The following PCDH11X variants were observed in gnomAD, a reference collection of about 807,000 sequenced individuals.
PCDH11X encodes protocadherin-11 X-linked.
In PCDH11X, 18 loss-of-function variants were observed where a neutral mutation model predicts 53.3. The observed-to-expected ratio is 0.34, with a 90% CI of 0.23 to 0.50. The LOEUF is 0.50. Among genes scored for constraint, PCDH11X ranks in the 20% least tolerant of loss-of-function variants. PCDH11X has a pLI of 0.98. For synonymous variants in PCDH11X, 279 were observed against 393.3 expected, an observed-to-expected ratio of 0.71 and a Z score of 3.44; for missense variants, 570 against 1,032.4, an observed-to-expected ratio of 0.55 and a Z score of 6.14.
intron 8 of PCDH11X, among the ~76,000 whole-genome samples, chrX:92,267,454 G>C (rs2067858223): frequency 8.9e-6 from 1 of 112,380 alleles, no homozygotes; most frequent in African/African-American, 3.2e-5. Context: ...GCAAGTAAAA[G>C]CCATTCTCTG....
intron 9 of PCDH11X, among the ~76,000 whole-genome samples, chrX:92,414,146 A>T (rs1045536681): frequency 9.6e-6 from 1 of 104,314 alleles, no homozygotes; most frequent in Admixed American, 1.1e-4. Context: ...TTAGAGAAGA[A>T]AGCCTATTGG....
At chrX:92,280,009 G>A (rs189711874) in intron 8 of PCDH11X, among the ~76,000 whole-genome samples, 19 of 111,481 alleles carry the variant, frequency 1.7e-4, no homozygotes, top group Middle Eastern at 4.3e-3. Flanking sequence ...ATTTACATAC[G>A]CAAATAGCTA....
At chrX:92,596,991 C>G (rs1323169943) in intron 10 of PCDH11X, among the ~76,000 whole-genome samples, 1 of 110,998 alleles carries the variant, frequency 9.0e-6, no homozygotes, top group Non-Finnish European at 1.9e-5. Flanking sequence ...ATTCAATACC[C>G]CTTAATGAGA....
intron 8 of PCDH11X, among the ~76,000 whole-genome samples, chrX:92,301,574 C>T (rs1029482834): frequency 1.3e-4 from 14 of 110,826 alleles, no homozygotes; most frequent in African/African-American, 3.3e-4. Flanking sequence ...TCCAGATGTC[C>T]GTGGCGAAAG....
intron 6 of PCDH11X, among the ~76,000 whole-genome samples, chrX:91,953,510 T>C (rs2061669314): frequency 9.1e-6 from 1 of 110,206 alleles, no homozygotes; most frequent in Non-Finnish European, 1.9e-5. Flanking sequence ...AGAAGCAAGT[T>C]GGCACAGGGC....
At chrX:92,087,534 G>A (rs187620545) in intron 6 of PCDH11X, among the ~76,000 whole-genome samples, 2 of 111,706 alleles carry the variant, frequency 1.8e-5, no homozygotes, top group East Asian at 5.6e-4. Flanking sequence ...AACAGATTGA[G>A]ATAGAGATTT....
chrX:92,603,801 T>C (rs933695902), intron 10 of PCDH11X, among the ~76,000 whole-genome samples: 13 of 99,116 alleles, frequency 1.3e-4, no homozygotes, highest in South Asian at 4.2e-4. Flanking sequence ...AGAGTCAAGA[T>C]AGTAATTTGA....
rs898891362 is a variant in PCDH11X at position 92,311,307 on chromosome X, C to A, written c.3144+48164C>A. 1.4e-3 allele frequency among the ~76,000 whole-genome samples: 157 copies of A among 109,637 alleles called. 1 individual carries two copies. Among genetic ancestry groups the A allele is most frequent in the South Asian group, 3.6e-3 (9 of 2,492 alleles). On this transcript the variant is annotated intron_variant, in intron 8 of 10. Transcript: ENST00000682573. ...TCAGCCTTATAAAACTGGAAGTGTT[C>A]TGCACTAGTTAATTGTCAGTGTTAG...
At chrX:92,424,908 C>T (rs1402271300) in intron 9 of PCDH11X, among the ~76,000 whole-genome samples, 2 of 97,739 alleles carry the variant, frequency 2.0e-5, no homozygotes, top group African/African-American at 3.3e-5. Flanking sequence ...ACCCTCCAAA[C>T]ATGAGGGGCA....
chrX:92,006,659 G>T (rs928601457), intron 6 of PCDH11X, among the ~76,000 whole-genome samples: 9 of 110,189 alleles, frequency 8.2e-5, no homozygotes, highest in African/African-American at 3.0e-4. Context: ...CTGGATGGTG[G>T]TGATGCTAGT....
At chrX:92,419,995 T>G (rs1050666042) in intron 9 of PCDH11X, among the ~76,000 whole-genome samples, 5 of 111,147 alleles carry the variant, frequency 4.5e-5, no homozygotes, top group Non-Finnish European at 9.4e-5. Flanking sequence ...CTCCCCCTTT[T>G]CTTTTGAATT....
At chrX:92,323,081 A>G (rs1375134205) in intron 8 of PCDH11X, among the ~76,000 whole-genome samples, 1 of 110,458 alleles carries the variant, frequency 9.1e-6, no homozygotes, top group Admixed American at 9.7e-5. Flanking sequence ...TAACCAATTA[A>G]CAAGCAAGTG....
chrX:91,852,598 C>T (rs1295960266), intron 5 of PCDH11X, among the ~76,000 whole-genome samples: 1 of 111,342 alleles, frequency 9.0e-6, no homozygotes, highest in East Asian at 2.8e-4. Flanking sequence ...TCTAGGATTG[C>T]AATTTTCATT....
rs768418470 is a variant in PCDH11X at position 91,906,417 on chromosome X, A to G, written c.3033+27144A>G. 7.0e-3 allele frequency among the ~76,000 whole-genome samples: 760 copies of G among 108,961 alleles called. 6 individuals are homozygous for G. Among genetic ancestry groups the G allele is most frequent in the African/African-American group, 0.024 (704 of 29,929 alleles). 94.6% of individuals were successfully genotyped at this position (108,961 alleles called of 115,157 possible). A position where few individuals can be genotyped will look rare whatever the true frequency, so the allele number is the denominator to read the frequency against. Reference sequence around the variant, plus strand: ...GCCCAATATATTAACCACTTTGATAAAAGTGACCTTGTATTTGATCAACGT... The same window carrying G: ...GCCCAATATATTAACCACTTTGATAGAAGTGACCTTGTATTTGATCAACGT... On this transcript the variant is annotated intron_variant, in intron 6 of 10. Coordinates refer to ENST00000682573, the MANE Select transcript of PCDH11X (RefSeq NM_032968.5).
chrX:91,990,000 A>G (rs2062294567), intron 6 of PCDH11X, among the ~76,000 whole-genome samples: 1 of 111,194 alleles, frequency 9.0e-6, no homozygotes, highest in Non-Finnish European at 1.9e-5. Context: ...CAAATAGATT[A>G]AATATGATTT....
intron 6 of PCDH11X, among the ~76,000 whole-genome samples, chrX:92,158,856 G>C (rs945479931): frequency 9.0e-6 from 1 of 111,129 alleles, no homozygotes; most frequent in Non-Finnish European, 1.9e-5. Flanking sequence ...GGATGGTCTC[G>C]ATCTCCTGAC....
At chrX:91,886,140 A>G (rs1441497782) in intron 6 of PCDH11X, among the ~76,000 whole-genome samples, 4 of 111,982 alleles carry the variant, frequency 3.6e-5, no homozygotes, top group East Asian at 5.6e-4. Context: ...ACCTGGTCGC[A>G]TCTTTAATTT....
chrX:91,907,403 A>C (rs1325834487), intron 6 of PCDH11X, among the ~76,000 whole-genome samples: 51 of 71,723 alleles, frequency 7.1e-4, no homozygotes, highest in African/African-American at 1.8e-3. Flanking sequence ...ACACACACAC[A>C]CACACACACA....
chrX:91,901,571 T>G (rs931792097), intron 6 of PCDH11X, among the ~76,000 whole-genome samples: 8 of 110,880 alleles, frequency 7.2e-5, no homozygotes, highest in African/African-American at 2.6e-4. Context: ...ACCAATAAAT[T>G]ACTTTAAGGG....
Sources: allele counts gnomAD v4.1 joint callset (sites outside exome capture counted in the v4.1 genomes callset), GRCh38; gene constraint gnomAD v4.1.1; transcripts MANE v1.5; gene names NCBI Gene and HGNC (gene_info 2026-07-23, HGNC 2026-07-21).